The following ST6GAL1 variants were observed in gnomAD, a reference collection of about 807,000 sequenced individuals.
ST6GAL1 encodes the protein beta-galactoside alpha-2,6-sialyltransferase 1.
Under a neutral mutation model 38.0 loss-of-function variants are expected in ST6GAL1, and 20 were observed. That is an observed-to-expected ratio of 0.53 (90% CI 0.37 to 0.77). The LOEUF is 0.77. Among genes scored for constraint, ST6GAL1 ranks in the 30% least tolerant of loss-of-function variants. ST6GAL1 has a pLI of 0.00. For missense variants in ST6GAL1, 432 were observed against 496.4 expected, an observed-to-expected ratio of 0.87 and a Z score of 1.23; for synonymous variants, 196 against 188.2, an observed-to-expected ratio of 1.04 and a Z score of -0.34.
chr3:186,959,187 G>A (rs1714850079), intron 1 of ST6GAL1, among the ~76,000 whole-genome samples: 1 of 152,122 alleles, frequency 6.6e-6, no homozygotes, highest in African/African-American at 2.4e-5. Flanking sequence ...CCCTTTTCTG[G>A]TTCTCTAAAT....
intron 1 of ST6GAL1, among the ~76,000 whole-genome samples, chr3:186,947,417 A>G (rs1714408502): frequency 6.6e-6 from 1 of 152,178 alleles, no homozygotes; most frequent in Non-Finnish European, 1.5e-5. Flanking sequence ...AGCCATGCCC[A>G]TGGTTTTTCT....
chr3:186,978,206 G>A (rs187386700), intron 2 of ST6GAL1, among the ~76,000 whole-genome samples: 292 of 151,426 alleles, frequency 1.9e-3, no homozygotes, highest in African/African-American at 6.4e-3. Context: ...GCGAGACTCC[G>A]TGTCAAAATA....
At chr3:187,060,286 G>A (rs1293832503) in intron 5 of ST6GAL1, among the ~76,000 whole-genome samples, 3 of 152,032 alleles carry the variant, frequency 2.0e-5, no homozygotes, top group East Asian at 1.9e-4. Flanking sequence ...TCAGCCTCCC[G>A]AGTAGCTGGG....
chr3:187,050,034 T>C (rs549766211), intron 4 of ST6GAL1, among the ~76,000 whole-genome samples: 1 of 152,320 alleles, frequency 6.6e-6, no homozygotes, highest in East Asian at 1.9e-4. Flanking sequence ...TAGGGTTGTG[T>C]TGTTTTCATG....
intron 2 of ST6GAL1, among the ~76,000 whole-genome samples, chr3:187,022,407 G>T (rs1579329446): frequency 6.6e-6 from 1 of 152,262 alleles, no homozygotes; most frequent in East Asian, 1.9e-4. Context: ...AGTCTTAAGT[G>T]CGTTTTAGGG....
chr3:186,963,287 C>A (rs1043901965), intron 1 of ST6GAL1, among the ~76,000 whole-genome samples: 1 of 152,092 alleles, frequency 6.6e-6, no homozygotes, highest in Non-Finnish European at 1.5e-5. Context: ...TGCAGTGGCA[C>A]GATCTTGGCT....
chr3:186,969,858 G>A (rs576101597), intron 2 of ST6GAL1, among the ~76,000 whole-genome samples: 2 of 152,322 alleles, frequency 1.3e-5, no homozygotes, highest in African/African-American at 2.4e-5. Flanking sequence ...AGGAAACGTC[G>A]TGGTACACAC....
intron 2 of ST6GAL1, among the ~76,000 whole-genome samples, chr3:186,987,396 C>A (rs1272790999): frequency 6.6e-6 from 1 of 152,128 alleles, no homozygotes; most frequent in African/African-American, 2.4e-5. Flanking sequence ...ACCCAAGGTC[C>A]ACAGCTAACA....
At chr3:187,013,443 T>C (rs982497223) in intron 2 of ST6GAL1, among the ~76,000 whole-genome samples, 9 of 152,218 alleles carry the variant, frequency 5.9e-5, no homozygotes, top group African/African-American at 2.2e-4. Context: ...ATCTGTGCCC[T>C]GGTTTCAGGC....
intron 2 of ST6GAL1, among the ~76,000 whole-genome samples, chr3:186,972,826 T>C (rs6766574): frequency 0.34 from 52,049 of 151,832 alleles, 9,625 homozygotes; most frequent in African/African-American, 0.48. Context: ...CTTAGGAGCA[T>C]GTGGGAAGAA....
intron 3 of ST6GAL1, 98 bp downstream of exon 3, chr3:187,038,971 A>G (rs1455902235): frequency 6.6e-6 from 1 of 152,216 alleles, no homozygotes; most frequent in Non-Finnish European, 1.5e-5. Flanking sequence ...GGATCTCAGT[A>G]TCTGGCTCCA....
intron 2 of ST6GAL1, among the ~76,000 whole-genome samples, chr3:187,027,589 T>G (rs1717587406): frequency 6.6e-6 from 1 of 152,182 alleles, no homozygotes; most frequent in South Asian, 2.1e-4. Flanking sequence ...CAGTGTTTTA[T>G]TCCGGCCCCC....
intron 2 of ST6GAL1, among the ~76,000 whole-genome samples, chr3:187,007,507 A>G (rs1230305035): frequency 6.6e-6 from 1 of 152,230 alleles, no homozygotes; most frequent in Non-Finnish European, 1.5e-5. Context: ...CACTCATAAA[A>G]AGTGAGACAG....
intron 5 of ST6GAL1, among the ~76,000 whole-genome samples, chr3:187,062,272 G>T (rs1255743764): frequency 6.6e-6 from 1 of 152,132 alleles, no homozygotes; most frequent in Non-Finnish European, 1.5e-5. Context: ...AAACAGTACG[G>T]CAGTGCCTCA....
At chr3:186,989,912 A>G (rs1281128065) in intron 2 of ST6GAL1, among the ~76,000 whole-genome samples, 1 of 152,198 alleles carries the variant, frequency 6.6e-6, no homozygotes, top group African/African-American at 2.4e-5. Context: ...CTTACTTCAC[A>G]GGAACCCTTC....
At chr3:186,933,455 C>T (rs11711183) in intron 1 of ST6GAL1, among the ~76,000 whole-genome samples, 33,251 of 152,006 alleles carry the variant, frequency 0.22, 3,948 homozygotes, top group Non-Finnish European at 0.28. Flanking sequence ...AACCACCGAA[C>T]GCGGGTACAA....
chr3:186,990,967 G>A (rs939416949), intron 2 of ST6GAL1, among the ~76,000 whole-genome samples: 24 of 150,762 alleles, frequency 1.6e-4, no homozygotes, highest in Admixed American at 4.0e-4. Flanking sequence ...TCTGCAGACC[G>A]CTGGGCCGGG....
chr3:186,980,310 G>A (rs9869132), intron 2 of ST6GAL1, among the ~76,000 whole-genome samples: 20,729 of 152,112 alleles, frequency 0.14, 1,740 homozygotes, highest in East Asian at 0.29. Context: ...TTTAAGAAAC[G>A]CTATATTGTG....
chr3:186,989,328 T>C (rs985872698), intron 2 of ST6GAL1, among the ~76,000 whole-genome samples: 1 of 152,160 alleles, frequency 6.6e-6, no homozygotes, highest in African/African-American at 2.4e-5. Context: ...AATGGATACT[T>C]AGGGGAATGG....
Sources: allele counts gnomAD v4.1 joint callset (sites outside exome capture counted in the v4.1 genomes callset), GRCh38; gene constraint gnomAD v4.1.1; transcripts MANE v1.5; gene names NCBI Gene and HGNC (gene_info 2026-07-23, HGNC 2026-07-21).